Variants in AGAP1 observed in about 807,000 individuals in gnomAD.
AGAP1 encodes the protein ArfGAP with GTPase domain, ankyrin repeat and PH domain 1.
In AGAP1, 29 loss-of-function variants were observed where a neutral mutation model predicts 105.3. The ratio of observed to expected loss-of-function variants is 0.28; its 90% CI spans 0.21 to 0.38. The LOEUF is 0.38. Ranked by LOEUF, AGAP1 falls within the 10% of genes least tolerant of loss-of-function variation. AGAP1 has a pLI of 1.00. For missense variants in AGAP1, 998 were observed against 1,165.1 expected (o/e 0.86, Z 2.09); for synonymous variants, 509 against 485.9 (o/e 1.05, Z -0.63).
intron 1 of AGAP1, among the ~76,000 whole-genome samples, chr2:235,640,264 C>A (rs1229092438): frequency 6.6e-6 from 1 of 152,228 alleles, no homozygotes; most frequent in Non-Finnish European, 1.5e-5. Context: ...ACTCCCATCT[C>A]CCTAGCTCTG....
At chr2:235,604,572 C>CTTTTTTTTTTTTT (rs1166523228) in intron 1 of AGAP1, among the ~76,000 whole-genome samples, 18 of 69,676 alleles carry the variant, frequency 2.6e-4, no homozygotes, top group East Asian at 1.5e-3. Flanking sequence ...TTTTTATTAT[C>CTTTTTTTTTTTTT]TTTTTTTTTT....
chr2:235,921,213 G>T (rs557399228), intron 11 of AGAP1, among the ~76,000 whole-genome samples: 90 of 152,118 alleles, frequency 5.9e-4, no homozygotes, highest in Non-Finnish European at 1.0e-3. Flanking sequence ...TAGAAAAATG[G>T]TGATATAAAT....
chr2:235,627,979 G>T (rs1458489024), intron 1 of AGAP1, among the ~76,000 whole-genome samples: 2 of 152,148 alleles, frequency 1.3e-5, no homozygotes, highest in African/African-American at 2.4e-5. Flanking sequence ...AAGAAGGGGG[G>T]CATAGGCTGA....
chr2:235,632,333 C>G (rs1483192337), intron 1 of AGAP1, among the ~76,000 whole-genome samples: 2 of 152,216 alleles, frequency 1.3e-5, no homozygotes, highest in Non-Finnish European at 2.9e-5. Context: ...GAGCCTTTGG[C>G]TATCCTCGGG....
intron 11 of AGAP1, among the ~76,000 whole-genome samples, chr2:235,928,620 GGGA>G (rs2052568335): frequency 6.6e-6 from 1 of 152,228 alleles, no homozygotes; most frequent in South Asian, 2.1e-4. Context: ...GGGATGTGAA[GGGA>G]TGTAGCAGGA....
At position 235,783,433 on chromosome 2, in the gene AGAP1, C is replaced by T. The variant is rs1198370450; in HGVS notation, c.674-14326C>T. The stretch of plus-strand genomic sequence containing the variant: ...AGGTGTTGCTTTCTTTGTGGTAGGA[C>T]ATCACCATGTTCTCATAGAGTCCTG... On this transcript the variant is annotated intron_variant, in intron 6 of 17. Transcript: ENST00000304032. 6 of 469,564 alleles carry T rather than the reference C, an allele frequency of 1.3e-5. 1 individual carries two copies. The highest frequency in any genetic ancestry group is 6.2e-5 in the South Asian group (4 of 64,158). 29.1% of individuals were successfully genotyped at this position (469,564 alleles called of 1,614,324 possible). A position where few individuals can be genotyped will look rare whatever the true frequency, so the allele number is the denominator to read the frequency against.
At position 235,829,867 on chromosome 2, in the gene AGAP1, T is replaced by C. The variant is rs572402570; in HGVS notation, c.1050+22536T>C. On this transcript the variant is annotated intron_variant, in intron 9 of 17. Coordinates refer to ENST00000304032, the MANE Select transcript of AGAP1 (RefSeq NM_001037131.3). ...GGTGGTCAAGGACCAGAGAAGGTGG[T>C]GTGAAGAACTGGCAATAGAGAGTGG... Among the ~76,000 whole-genome samples the C allele has an allele frequency of 5.3e-5, 8 of 152,074 alleles. No homozygotes were observed. The East Asian group carries it at 5.8e-4, about 11-fold the overall frequency.
Position 235,894,832 on chromosome 2 carries a change from G to A in AGAP1, c.1155+11383G>A, listed in dbSNP as rs114187392. On this transcript the variant is annotated intron_variant, in intron 10 of 17. Transcript: ENST00000304032. ...GTGCAGGTCAAAGAACACTGAGCTGGGAATCAGTTGTGGTTTCCGATTCTG... is the reference window on the plus strand; with the variant it reads ...GTGCAGGTCAAAGAACACTGAGCTGAGAATCAGTTGTGGTTTCCGATTCTG... 5.6e-3 allele frequency among the ~76,000 whole-genome samples: 859 copies of A among 152,260 alleles called. 10 individuals carry two copies. The highest frequency in any genetic ancestry group is 0.02 in the African/African-American group (818 of 41,542).
intron 4 of AGAP1, among the ~76,000 whole-genome samples, chr2:235,742,494 G>T (rs1033068388): frequency 6.6e-6 from 1 of 152,186 alleles, no homozygotes; most frequent in African/African-American, 2.4e-5. Context: ...TTGAAGACGT[G>T]TTAAAAGTGA....
chr2:235,528,697 G>A (rs993618797), intron 1 of AGAP1, among the ~76,000 whole-genome samples: 7 of 152,158 alleles, frequency 4.6e-5, no homozygotes, highest in Admixed American at 3.9e-4. Flanking sequence ...GTTTTGAGAA[G>A]ACGGAGTTTC....
At position 235,608,096 on chromosome 2, in the gene AGAP1, G is replaced by T. The variant is rs556482778; in HGVS notation, c.164-101083G>T. Reference sequence around the variant, plus strand: ...GTGGGCGGGTTGGCATCGTCTGCACGTTGACCGGGTCGTTTTTAGCTTTGC... The same window carrying T: ...GTGGGCGGGTTGGCATCGTCTGCACTTTGACCGGGTCGTTTTTAGCTTTGC... On this transcript the variant is annotated intron_variant, in intron 1 of 17. Transcript: ENST00000304032. This position sits in a 1 kb window ranked among gnomAD's most constrained non-coding sequence, Gnocchi z 5.4. Among the ~76,000 whole-genome samples, 1 of 152,148 alleles carries T rather than the reference G, an allele frequency of 6.6e-6. No homozygotes were observed. Among genetic ancestry groups the T allele is most frequent in the Non-Finnish European group, 1.5e-5 (1 of 68,034 alleles).
intron 9 of AGAP1, among the ~76,000 whole-genome samples, chr2:235,807,684 G>T (rs1008070858): frequency 2.0e-5 from 3 of 152,186 alleles, no homozygotes; most frequent in African/African-American, 7.2e-5. Flanking sequence ...AGCCCCTTGT[G>T]ATCACAGGAA....
chr2:235,702,934 G>GGTTTTTTTTTTTTTTT (rs1950324299), intron 1 of AGAP1, among the ~76,000 whole-genome samples: 1 of 88,946 alleles, frequency 1.1e-5, no homozygotes, highest in Non-Finnish European at 2.2e-5. Context: ...AGTTTTCTTG[G>GGTTTTTTTTTTTTTTT]TTTTTTTTTT....
At position 235,730,000 on chromosome 2, in the gene AGAP1, G is replaced by A. The variant is rs767674837; in HGVS notation, c.311-10963G>A. On this transcript the variant is annotated intron_variant, in intron 3 of 17. Transcript: ENST00000304032. The surrounding 1 kb of genome is among the most constrained non-coding windows in gnomAD (Gnocchi z 5.0). ...AAAAGGCATAGAACAGTCAAATCAC[G>A]TAGGATTTCTTAGTTTCTCCATGCA... is the stretch of plus-strand genomic sequence containing the variant. Among the ~76,000 whole-genome samples the A allele has an allele frequency of 5.9e-5, 9 of 152,192 alleles. No homozygotes were observed. Among genetic ancestry groups the A allele is most frequent in the African/African-American group, 9.6e-5 (4 of 41,486 alleles).
Position 235,612,071 on chromosome 2 carries a change from A to G in AGAP1, c.164-97108A>G, listed in dbSNP as rs1946145199. Among the ~76,000 whole-genome samples, 1 of 152,212 alleles carries G rather than the reference A, an allele frequency of 6.6e-6. No individual in the cohort carries two copies. The highest frequency in any genetic ancestry group is 1.5e-5 in the Non-Finnish European group (1 of 68,036). ...CAGCCTAGAGTCTCACTGGAGAACAATCAGACATGCTTTATTTTCTACTTG... is the reference window on the plus strand; with the variant it reads ...CAGCCTAGAGTCTCACTGGAGAACAGTCAGACATGCTTTATTTTCTACTTG... On this transcript the variant is annotated intron_variant, in intron 1 of 17. Coordinates refer to ENST00000304032, the MANE Select transcript of AGAP1 (RefSeq NM_001037131.3). The surrounding 1 kb of genome is among the most constrained non-coding windows in gnomAD (Gnocchi z 4.3).
At chr2:235,676,821 A>T (rs1948762948) in intron 1 of AGAP1, among the ~76,000 whole-genome samples, 1 of 152,232 alleles carries the variant, frequency 6.6e-6, no homozygotes, top group Non-Finnish European at 1.5e-5. Context: ...AATAATGAAA[A>T]AAAGTTATAG....
intron 6 of AGAP1, among the ~76,000 whole-genome samples, chr2:235,783,012 C>G (rs542649088): frequency 7.1e-6 from 1 of 141,278 alleles, no homozygotes; most frequent in South Asian, 2.5e-4. Flanking sequence ...ACTTTGTGAT[C>G]GGCAGGAGAT....
At chr2:236,116,176 A>C (rs920636484) in intron 16 of AGAP1, among the ~76,000 whole-genome samples, 11 of 152,038 alleles carry the variant, frequency 7.2e-5, no homozygotes, top group African/African-American at 2.4e-5. Context: ...GCAATGGCGC[A>C]ATCTTGGCTC....
At position 236,095,340 on chromosome 2, in the gene AGAP1, T is replaced by A. The variant is rs1175314275; in HGVS notation, c.2115-24852T>A. Among the ~76,000 whole-genome samples the A allele has an allele frequency of 6.6e-6, 1 of 152,118 alleles. No homozygotes were observed. The highest frequency in any genetic ancestry group is 1.5e-5 in the Non-Finnish European group (1 of 68,010). ...GGAGCCCAGGAAGTCAAGGCTGCAG[T>A]GAGCCATGATCATGCCACTGCATTC... On this transcript the variant is annotated intron_variant, in intron 16 of 17. Transcript: ENST00000304032. The surrounding 1 kb of genome is among the most constrained non-coding windows in gnomAD (Gnocchi z 4.1).
Sources: gnomAD v4.1 joint callset for allele counts (sites outside exome capture counted in the v4.1 genomes callset) on GRCh38, gnomAD v4.1.1 for gene constraint, Gnocchi (gnomAD v3.1) non-coding constraint, MANE v1.5 for transcripts, NCBI Gene and HGNC (gene_info 2026-07-23, HGNC 2026-07-21) for gene names.